Variants in SLC12A3 observed in about 807,000 individuals in gnomAD.
SLC12A3 encodes the protein solute carrier family 12 member 3.
SLC12A3 carries 104 observed loss-of-function variants against 121.0 expected under a neutral mutation model. The observed-to-expected ratio is 0.86, with a 90% CI of 0.73 to 1.01. The LOEUF (loss-of-function observed/expected upper bound fraction) is 1.01. Ranked by LOEUF, SLC12A3 falls within the 50% of genes least tolerant of loss-of-function variation. The pLI, the probability that SLC12A3 is intolerant of heterozygous loss-of-function variation, is 0.00. For missense variants in SLC12A3, 1,328 were observed against 1,356.3 expected, an observed-to-expected ratio of 0.98 and a Z score of 0.33; for synonymous variants, 536 against 533.4, an observed-to-expected ratio of 1.00 and a Z score of -0.07.
At chr16:56,901,344 T>A (rs2055535264) in intron 23 of SLC12A3, among the ~76,000 whole-genome samples, 1 of 119,686 alleles carries the variant, frequency 8.4e-6, no homozygotes, top group African/African-American at 4.1e-5. Context: ...CATCTCTCTC[T>A]CTCTTTTTTT....
intron 7 of SLC12A3, 63 bp from the exon 8 acceptor site, chr16:56,872,593 G>T: frequency 1.9e-6 from 3 of 1,612,880 alleles, no homozygotes; most frequent in Non-Finnish European, 2.5e-6. Flanking sequence ...CTGCCCAGTG[G>T]GTCCCAGCAA....
intron 1 of SLC12A3, 130 bp from the exon 2 acceptor site, chr16:56,866,940 C>A: frequency 8.0e-7 from 1 of 1,251,182 alleles, no homozygotes. Flanking sequence ...TCAAGCAGCT[C>A]AACACCCAGT....
intron 22 of SLC12A3, among the ~76,000 whole-genome samples, chr16:56,897,606 A>G (rs1421441745): frequency 1.3e-5 from 2 of 152,164 alleles, no homozygotes; most frequent in East Asian, 1.9e-4. Context: ...CTTCTCTGTG[A>G]TCTCCAAAAA....
chr16:56,906,902 C>A, intron 25 of SLC12A3: 2 of 508,138 alleles, frequency 3.9e-6, no homozygotes, highest in South Asian at 1.9e-5. Context: ...CTGTAAAGGC[C>A]ACGTTGGTGC....
At chr16:56,882,819 G>A (rs1404388157) in intron 13 of SLC12A3, among the ~76,000 whole-genome samples, 1 of 151,956 alleles carries the variant, frequency 6.6e-6, no homozygotes, top group Non-Finnish European at 1.5e-5. Flanking sequence ...GCGGTCACCT[G>A]TAATCCAAGC....
chr16:56,870,625 G>A lies in SLC12A3; in HGVS notation c.742-1G>A. The A allele has an allele frequency of 6.3e-7, 1 of 1,596,724 alleles. No homozygotes were observed. The highest frequency in any genetic ancestry group is 8.6e-7 in the Non-Finnish European group (1 of 1,164,104). On this transcript the variant is annotated splice_acceptor_variant, in intron 5 of 25. Transcript: ENST00000563236. LOFTEE classifies it high-confidence loss of function. ...CAGCCTGGCCCATTTTCCCTCCCCA[G>A]GAGTATGGGGCACCCATCGTGGACC...
At position 56,879,618 on chromosome 16, in the gene SLC12A3, C is replaced by T. The variant is rs201341355; in HGVS notation, c.1412C>T (p.Ala471Val). ...GGGGCCACCCTCTCCTCTGCCCTGG[C>T]CTGCCTTGTCTCTGCTGCCAAAGTC... ...IFGATLSSAL[A>V]CLVSAAKVFQ... Residue 471 changes from alanine to valine, a missense_variant, in exon 11 of 26, where the codon GCC becomes GTC. Physicochemically the swap from Ala to Val is moderately conservative, Grantham distance 64 (BLOSUM62 0). Coordinates refer to ENST00000563236, the MANE Select transcript of SLC12A3 (RefSeq NM_001126108.2). The T allele has an allele frequency of 4.1e-5, 66 of 1,613,500 alleles. No homozygotes were observed. The highest frequency in any genetic ancestry group is 5.0e-5 in the Admixed American group (3 of 59,998).
At chr16:56,892,769 G>A (rs1194894526) in intron 20 of SLC12A3, among the ~76,000 whole-genome samples, 184 bp from the exon 21 acceptor site, 2 of 152,216 alleles carry the variant, frequency 1.3e-5, no homozygotes, top group African/African-American at 2.4e-5. Context: ...AGAATCCCGG[G>A]AGAGAGAAGC....
chr16:56,908,694 T>G (rs2055642835), intron 25 of SLC12A3, among the ~76,000 whole-genome samples: 1 of 152,148 alleles, frequency 6.6e-6, no homozygotes, highest in South Asian at 2.1e-4. Context: ...GATTTTTTTG[T>G]ACAAAGAAAG....
chr16:56,899,960 G>A (rs918992365), intron 23 of SLC12A3, among the ~76,000 whole-genome samples: 1 of 152,340 alleles, frequency 6.6e-6, no homozygotes, highest in Non-Finnish European at 1.5e-5. Context: ...GTGTGAATTT[G>A]TAGCAGTGAC....
At chr16:56,876,445 C>T (rs2055164945) in intron 8 of SLC12A3, among the ~76,000 whole-genome samples, 1 of 152,194 alleles carries the variant, frequency 6.6e-6, no homozygotes, top group Admixed American at 6.5e-5. Flanking sequence ...AACAGGTTTG[C>T]CGGGCAGGGC....
At chr16:56,865,783 A>G (rs1964339355) in intron 1 of SLC12A3, among the ~76,000 whole-genome samples, 1 of 152,158 alleles carries the variant, frequency 6.6e-6, no homozygotes, top group Non-Finnish European at 1.5e-5. Flanking sequence ...GCATGCAAGC[A>G]GGTTGCACAC....
intron 25 of SLC12A3, among the ~76,000 whole-genome samples, chr16:56,910,256 C>T (rs2055667648): frequency 6.6e-6 from 1 of 150,968 alleles, no homozygotes; most frequent in African/African-American, 2.5e-5. Context: ...TCACGGCAAC[C>T]TCTTTGTTTT....
rs2055547204 is a variant in SLC12A3 at position 56,902,244 on chromosome 16, G to A, written c.2721-129G>A. 12 of 1,146,336 alleles carry A rather than the reference G, an allele frequency of 1.0e-5. 1 individual carries two copies. Among genetic ancestry groups the A allele is most frequent in the South Asian group, 5.1e-5 (4 of 78,046 alleles). The allele number at this position is 1,146,336 out of a possible 1,614,324, so 71.0% of individuals were successfully genotyped here. ...CAACATGGAAGCCACTTTGTAAATG[G>A]CAGTGTCCGATGGGTTTCAGCCTGA... On this transcript the variant is annotated intron_variant, in intron 23 of 25. Transcript: ENST00000563236.
At chr16:56,901,347 C>CTTT (rs113592874) in intron 23 of SLC12A3, among the ~76,000 whole-genome samples, 1 of 128,904 alleles carries the variant, frequency 7.8e-6, no homozygotes, top group South Asian at 2.4e-4. Context: ...CTCTCTCTCT[C>CTTT]TTTTTTTTTT....
chr16:56,884,337 T>C, intron 14 of SLC12A3, 133 bp downstream of exon 14: 1 of 910,442 alleles, frequency 1.1e-6, no homozygotes, highest in Non-Finnish European at 1.7e-6. Context: ...GCCCCTCCCC[T>C]TTATCCCTCC....
At chr16:56,910,776 A>T (rs1439630565) in intron 25 of SLC12A3, among the ~76,000 whole-genome samples, 2 of 152,208 alleles carry the variant, frequency 1.3e-5, no homozygotes, top group African/African-American at 4.8e-5. Context: ...TGTGGTTCTG[A>T]TGCAGGGCTG....
rs527743803 is a variant in SLC12A3, at chr16:56,911,789, C to T, written c.2925-1475C>T. 3.9e-5 allele frequency among the ~76,000 whole-genome samples: 6 copies of T among 152,312 alleles called. No homozygotes were observed. In the South Asian group the frequency reaches 8.3e-4, roughly 21 times the overall value. On this transcript the variant is annotated intron_variant, in intron 25 of 25. Coordinates refer to ENST00000563236, the MANE Select transcript of SLC12A3 (RefSeq NM_001126108.2). ...GAGGGAAGATGTCAAGACCTCGGTT[C>T]GAATTCCAGCTTTGCCGCCGCTGGC... is the stretch of plus-strand genomic sequence containing the variant.
Position 56,904,425 on chromosome 16 carries a change from G to A in SLC12A3, c.2887G>A (p.Val963Met), listed in dbSNP as rs1462827022. 1.9e-6 allele frequency: 3 copies of A among 1,613,934 alleles called. No individual in the cohort carries two copies. Among genetic ancestry groups the A allele is most frequent in the African/African-American group, 2.7e-5 (2 of 74,948 alleles). Reference sequence around the variant, plus strand: ...TCGGCAGGTGAGGCTGAATGAGATTGTGCTGGATTACTCCCGAGACGCTGC... The same window carrying A: ...TCGGCAGGTGAGGCTGAATGAGATTATGCTGGATTACTCCCGAGACGCTGC... The part of the protein sequence containing the change: ...SLRQVRLNEI[V>M]LDYSRDAALI... Residue 963 changes from valine (V) to methionine (M), a missense_variant, in exon 25 of 26, where the codon GTG (valine) becomes ATG (methionine). Physicochemically the swap from Val to Met is conservative, Grantham distance 21. Transcript: ENST00000563236.
Sources: allele counts gnomAD v4.1 joint callset (sites outside exome capture counted in the v4.1 genomes callset), GRCh38; gene constraint gnomAD v4.1.1; transcripts MANE v1.5; gene names NCBI Gene and HGNC (gene_info 2026-07-23, HGNC 2026-07-21).